Variants in NCR1 observed in about 807,000 individuals in gnomAD.
NCR1 encodes the protein natural cytotoxicity triggering receptor 1, also known as NK cell-activating receptor.
NCR1 carries 30 observed loss-of-function variants against 32.5 expected under a neutral mutation model. The ratio of observed to expected loss-of-function variants is 0.92; its 90% confidence interval spans 0.69 to 1.25. NCR1 has a LOEUF of 1.25. NCR1 is among the 50% of genes most tolerant of loss of function. The pLI is 0.00. For missense variants in NCR1, 369 were observed against 380.7 expected (o/e 0.97, Z 0.26); for synonymous variants, 169 against 143.4 (o/e 1.18, Z -1.28).
the NCR1 span, among the ~76,000 whole-genome samples, chr19:54,929,915 C>A: frequency 8.7e-4 from 126 of 145,040 alleles, 1 homozygote; most frequent in Middle Eastern, 7.1e-3. Flanking sequence ...GAGATCGAGA[C>A]CATCCTGGCT....
intron 5 of NCR1, 21 bp from the exon 6 acceptor site, chr19:54,912,147 C>G (rs895817963): frequency 5.0e-6 from 8 of 1,611,372 alleles, no homozygotes; most frequent in African/African-American, 1.3e-5. Flanking sequence ...ATCCTCTTTT[C>G]TTCACTTCCC....
upstream of NCR1, among the ~76,000 whole-genome samples, chr19:54,903,541 T>C (rs2067369292): frequency 1.4e-5 from 2 of 145,988 alleles, 1 homozygote; most frequent in African/African-American, 5.0e-5. Flanking sequence ...TATATGCATG[T>C]ATGCATGTGT....
upstream of NCR1, among the ~76,000 whole-genome samples, chr19:54,905,872 AACTTCCC>A (rs2067571059): frequency 6.6e-6 from 1 of 152,220 alleles, no homozygotes; most frequent in African/African-American, 2.4e-5. Context: ...GATTGGGCAC[AACTTCCC>A]ACAGTCAGCT....
At chr19:54,916,113 T>C (rs1174169724), downstream of NCR1, 1 of 151,924 alleles carries the variant, frequency 6.6e-6, no homozygotes. Context: ...TGTAATCCTA[T>C]GCTTAATAAA....
At chr19:54,936,680 C>T in the NCR1 span, among the ~76,000 whole-genome samples, 2 of 151,812 alleles carry the variant, frequency 1.3e-5, no homozygotes, top group Non-Finnish European at 1.5e-5. Flanking sequence ...TAGCTGGGGC[C>T]GAGGCAGGCA....
At chr19:54,914,743 CTTT>C (rs58541136), downstream of NCR1, among the ~76,000 whole-genome samples, 38 of 143,420 alleles carry the variant, frequency 2.6e-4, no homozygotes, top group Non-Finnish European at 3.0e-4. Flanking sequence ...AAAGATAGCA[CTTT>C]TTTTTTTTTT....
the NCR1 span, among the ~76,000 whole-genome samples, chr19:54,932,006 C>T: frequency 6.6e-6 from 1 of 152,094 alleles, no homozygotes; most frequent in Admixed American, 6.6e-5. Flanking sequence ...TTCACTTTCC[C>T]TGTCATTTTA....
chr19:54,934,163 G>A, the NCR1 span, among the ~76,000 whole-genome samples: 3 of 152,038 alleles, frequency 2.0e-5, no homozygotes, highest in Admixed American at 6.6e-5. This position sits in a 1 kb window ranked among gnomAD's most constrained non-coding sequence, Gnocchi z 6.7. Context: ...GGATGGTCTC[G>A]ATCTCTTGAC....
At chr19:54,938,160 G>A in the NCR1 span, 9 of 1,613,912 alleles carry the variant, frequency 5.6e-6, no homozygotes, top group African/African-American at 1.1e-4. Context: ...TGTTTGAGCT[G>A]AAGAGAGAGC....
the NCR1 span, among the ~76,000 whole-genome samples, chr19:54,898,888 C>T: frequency 9.9e-5 from 15 of 151,996 alleles, no homozygotes; most frequent in South Asian, 2.1e-4. Flanking sequence ...TAAGCTGGAC[C>T]GGGTGTGAGG....
chr19:54,935,603 G>GGAA, the NCR1 span, among the ~76,000 whole-genome samples: 1 of 149,856 alleles, frequency 6.7e-6, no homozygotes, highest in Non-Finnish European at 1.5e-5. Flanking sequence ...AGCTGAGGCA[G>GGAA]AACTGCTTGA....
At chr19:54,935,694 GAA>G in the NCR1 span, among the ~76,000 whole-genome samples, 41,733 of 105,850 alleles carry the variant, frequency 0.39, 7,564 homozygotes, top group African/African-American at 0.57. Context: ...CTGTCTCAAA[GAA>G]AAAAAAAAAA....
downstream of NCR1, among the ~76,000 whole-genome samples, chr19:54,913,437 A>T (rs1293604144): frequency 1.3e-5 from 2 of 152,182 alleles, no homozygotes; most frequent in African/African-American, 4.8e-5. Flanking sequence ...CCATACTTTT[A>T]ACCACTCTGG....
At chr19:54,917,780 A>G (rs1346311368), downstream of NCR1, among the ~76,000 whole-genome samples, 4 of 152,094 alleles carry the variant, frequency 2.6e-5, no homozygotes, top group Admixed American at 2.0e-4. Flanking sequence ...TCAGCTTCCT[A>G]CAATGCCCAG....
At chr19:54,926,043 C>CA in the NCR1 span, among the ~76,000 whole-genome samples, 1 of 145,952 alleles carries the variant, frequency 6.9e-6, no homozygotes, top group Non-Finnish European at 1.5e-5. Context: ...GACTCCGTCT[C>CA]AAAAAAAAGA....
At chr19:54,922,778 C>CAAAAAAAA in the NCR1 span, among the ~76,000 whole-genome samples, 8 of 39,434 alleles carry the variant, frequency 2.0e-4, no homozygotes, top group African/African-American at 5.8e-4. Flanking sequence ...AACTCCGTCT[C>CAAAAAAAA]AAAAAAAAAA....
upstream of NCR1, among the ~76,000 whole-genome samples, chr19:54,905,956 C>G (rs1021329640): frequency 2.0e-5 from 3 of 152,140 alleles, no homozygotes; most frequent in African/African-American, 7.2e-5. Flanking sequence ...GCTGAGCAGA[C>G]AATTGTCAGA....
chr19:54,920,629 C>CA (rs1203066033), downstream of NCR1, among the ~76,000 whole-genome samples: 1 of 152,188 alleles, frequency 6.6e-6, no homozygotes, highest in East Asian at 1.9e-4. Context: ...CAGTTCAAGA[C>CA]AAGCCTGGTC....
the NCR1 span, among the ~76,000 whole-genome samples, chr19:54,922,482 GAAAC>G: frequency 6.6e-6 from 1 of 151,698 alleles, no homozygotes; most frequent in African/African-American, 2.4e-5. Context: ...GACTCACACA[GAAAC>G]AGACAGACAG....
Sources: allele counts gnomAD v4.1 joint callset (sites outside exome capture counted in the v4.1 genomes callset), GRCh38; gene constraint gnomAD v4.1.1; non-coding constraint Gnocchi (gnomAD v3.1); transcripts MANE v1.5; gene names NCBI Gene and HGNC (gene_info 2026-07-23, HGNC 2026-07-21).